Variants in C8A observed in about 807,000 individuals in gnomAD.
C8A encodes complement component C8 alpha chain.
C8A carries 67 observed loss-of-function variants against 65.3 expected under a neutral mutation model. The ratio of observed to expected loss-of-function variants is 1.03; its 90% CI spans 0.84 to 1.26. The LOEUF (loss-of-function observed/expected upper bound fraction) is 1.26, where lower values mean the gene tolerates loss of function less well. C8A is among the 50% of genes most tolerant of loss of function. The probability of loss-of-function intolerance (pLI) is 0.00; values close to 1 mark genes in which losing one functional copy is unlikely to be tolerated. For missense variants in C8A, 781 were observed against 723.9 expected, an observed-to-expected ratio of 1.08 and a Z score of -0.90; for synonymous variants, 290 against 259.4, an observed-to-expected ratio of 1.12 and a Z score of -1.13.
intron 1 of C8A, among the ~76,000 whole-genome samples, chr1:56,864,376 A>C (rs566867093): frequency 1.3e-5 from 2 of 152,306 alleles, no homozygotes; most frequent in African/African-American, 4.8e-5. Flanking sequence ...TATAAAGGTA[A>C]ATAAAGAGAA....
At chr1:56,859,930 G>T (rs530409818) in intron 1 of C8A, among the ~76,000 whole-genome samples, 1 of 152,128 alleles carries the variant, frequency 6.6e-6, no homozygotes, top group Non-Finnish European at 1.5e-5. Context: ...GGGCATGGTG[G>T]CACATGCCTG....
chr1:56,881,456 T>A lies in C8A; in HGVS notation c.476T>A (p.Leu159Gln). 6.2e-7 allele frequency: 1 copy of A among 1,613,638 alleles called. No individual in the cohort carries two copies. Among genetic ancestry groups the A allele is most frequent in the East Asian group, 2.2e-5 (1 of 44,876 alleles). Residue 159 changes from leucine to glutamine, a missense_variant, in exon 5 of 11, where the codon CTG (leucine) becomes CAG (glutamine). Physicochemically the swap from Leu to Gln is moderately radical, Grantham distance 113 (BLOSUM62 -2). Coordinates refer to ENST00000361249, the MANE Select transcript of C8A (RefSeq NM_000562.3). ...TTTGTTCCATGTAGGTACAATATCC[T>A]GACCCAGGAAGATGCTCAGAGTGTG... The part of the protein sequence containing the change: ...SQKAALGYNI[L>Q]TQEDAQSVYD...
At chr1:56,906,879 C>T in intron 8 of C8A, 87 bp downstream of exon 8, 1 of 1,512,460 alleles carries the variant, frequency 6.6e-7, no homozygotes, top group Non-Finnish European at 9.2e-7. Context: ...TTTTTTTTCC[C>T]AGTTGATTGC....
chr1:56,907,910 G>A, intron 8 of C8A, 46 bp from the exon 9 acceptor site: 1 of 1,611,648 alleles, frequency 6.2e-7, no homozygotes. Flanking sequence ...CCAGTCCTTG[G>A]GCTTTTTGGG....
intron 7 of C8A, among the ~76,000 whole-genome samples, chr1:56,899,330 T>C (rs1557711822): frequency 6.6e-6 from 1 of 152,166 alleles, no homozygotes; most frequent in Non-Finnish European, 1.5e-5. Flanking sequence ...CCATAGGCGG[T>C]ATAATATGGC....
At chr1:56,890,133 A>G (rs1644333163) in intron 7 of C8A, among the ~76,000 whole-genome samples, 1 of 152,122 alleles carries the variant, frequency 6.6e-6, no homozygotes, top group Non-Finnish European at 1.5e-5. Flanking sequence ...CAGGTCAAGT[A>G]CTTCAATGCC....
rs1263534466 is a variant in C8A at position 56,885,369 on chromosome 1, TTTATA to T, written c.856-555_856-551del. On this transcript the variant is annotated intron_variant, in intron 6 of 10. Coordinates refer to ENST00000361249, the MANE Select transcript of C8A (RefSeq NM_000562.3). ...AAATATATATTTATGTAAATATATA[TTTATA>T]TTTATTTAAATATATATTTAAATAA... Among the ~76,000 whole-genome samples the T allele has an allele frequency of 1.1e-4, 9 of 82,932 alleles. No homozygotes were observed. In the East Asian group the frequency reaches 3.5e-3, roughly 33 times the overall value. The allele number at this position is 82,932 out of a possible 152,430, so 54.4% of individuals were successfully genotyped here.
At chr1:56,872,003 A>G (rs961584063) in intron 2 of C8A, among the ~76,000 whole-genome samples, 2 of 152,150 alleles carry the variant, frequency 1.3e-5, no homozygotes, top group African/African-American at 2.4e-5. Flanking sequence ...TGCTTATTTA[A>G]CTGTGAACTC....
intron 7 of C8A, among the ~76,000 whole-genome samples, chr1:56,887,077 A>G (rs910580523): frequency 2.6e-5 from 4 of 152,184 alleles, no homozygotes; most frequent in African/African-American, 9.6e-5. Flanking sequence ...GAAGGATAAG[A>G]GATCTATCCA....
At chr1:56,874,348 A>G (rs1442045200) in intron 2 of C8A, among the ~76,000 whole-genome samples, 1 of 152,206 alleles carries the variant, frequency 6.6e-6, no homozygotes, top group Admixed American at 6.5e-5. Context: ...CCTTAACTAT[A>G]GGAGATATAT....
intron 7 of C8A, among the ~76,000 whole-genome samples, chr1:56,903,654 T>C (rs1023924625): frequency 3.3e-5 from 5 of 152,172 alleles, no homozygotes; most frequent in African/African-American, 9.7e-5. Flanking sequence ...ATCCAAGGCA[T>C]TGACAAAGGT....
At chr1:56,858,056 A>G (rs1643995044) in intron 1 of C8A, among the ~76,000 whole-genome samples, 1 of 152,188 alleles carries the variant, frequency 6.6e-6, no homozygotes, top group South Asian at 2.1e-4. Context: ...CAGTTAATAT[A>G]ATTTTCAGCT....
chr1:56,909,721 TG>T lies in C8A; in HGVS notation c.1380+1609del, dbSNP rs139937034. On this transcript the variant is annotated intron_variant, in intron 9 of 10. Transcript: ENST00000361249. ...GACATAATTTAGGTCATAGCTCAGC[TG>T]CTTTTTCAATGTGTGACCTTTGACA... 2.1e-3 allele frequency among the ~76,000 whole-genome samples: 327 copies of T among 152,334 alleles called. 16 individuals carry two copies. In the South Asian group the frequency reaches 0.063, roughly 29 times the overall value.
chr1:56,859,596 T>C (rs1311754275), intron 1 of C8A, among the ~76,000 whole-genome samples: 2 of 152,254 alleles, frequency 1.3e-5, no homozygotes, highest in African/African-American at 4.8e-5. Flanking sequence ...TGGAATTCTA[T>C]GTGCATCTAG....
chr1:56,869,947 G>A (rs1209642768), intron 2 of C8A, among the ~76,000 whole-genome samples: 1 of 152,180 alleles, frequency 6.6e-6, no homozygotes, highest in East Asian at 1.9e-4. Context: ...TGCATAGCTA[G>A]TAAGTGGCAG....
intron 7 of C8A, among the ~76,000 whole-genome samples, chr1:56,904,687 C>T (rs1644450892): frequency 6.6e-6 from 1 of 151,934 alleles, no homozygotes; most frequent in African/African-American, 2.4e-5. Context: ...GAACCTCAGG[C>T]ATCTCAGCTA....
chr1:56,908,076 G>C lies in C8A; in HGVS notation c.1343G>C (p.Arg448Thr). 1 of 1,614,108 alleles carries C rather than the reference G, an allele frequency of 6.2e-7. No homozygotes were observed. The highest frequency in any genetic ancestry group is 8.5e-7 in the Non-Finnish European group (1 of 1,180,008). The change falls in exon 9 of 11, where the codon AGG becomes ACG. Residue 448 changes from arginine to threonine, a missense_variant. Transcript: ENST00000361249. ...ACCATTACATACCGTTCCTGGGGGA[G>C]GTCATTAAAGTATAATCCTGTTGTT... is the stretch of plus-strand genomic sequence containing the variant. Reference protein sequence around the residue: ...RSTITYRSWGRSLKYNPVVID... With the variant: ...RSTITYRSWGTSLKYNPVVID...
chr1:56,895,081 C>A (rs1644378551), intron 7 of C8A, among the ~76,000 whole-genome samples: 1 of 152,036 alleles, frequency 6.6e-6, no homozygotes, highest in South Asian at 2.1e-4. Context: ...AAGTTGAAAT[C>A]CAAAGAGGTT....
rs377596557 is a variant in C8A, at chr1:56,883,556, A to G, written c.730A>G (p.Lys244Glu). 5.6e-6 allele frequency: 9 copies of G among 1,613,880 alleles called. No individual in the cohort carries two copies. In the African/African-American group the frequency reaches 6.7e-5, roughly 12 times the overall value. ...CCTTCTTTCCAAAGTTAAAAAAGAC[A>G]AGTCTGACTCATTTGGAGTGACCAT... is the stretch of plus-strand genomic sequence containing the variant. ...NDLLSKVKKD[K>E]SDSFGVTIGI... Residue 244 changes from lysine to glutamate, a missense_variant, in exon 6 of 11, where the codon AAG becomes GAG. By Grantham distance (56) the Lys-to-Glu change is moderately conservative. Transcript: ENST00000361249.
Sources: allele counts gnomAD v4.1 joint callset (sites outside exome capture counted in the v4.1 genomes callset), GRCh38; gene constraint gnomAD v4.1.1; transcripts MANE v1.5; gene names NCBI Gene and HGNC (gene_info 2026-07-23, HGNC 2026-07-21).